Variants in SPTBN1 observed in about 807,000 individuals in gnomAD.
The protein encoded by SPTBN1 is spectrin beta, non-erythrocytic 1.
SPTBN1 carries 32 observed loss-of-function variants against 266.4 expected under a neutral mutation model. That is an observed-to-expected ratio of 0.12 (90% confidence interval 0.09 to 0.16). The LOEUF is 0.16. SPTBN1 is among the 10% of genes least tolerant of loss of function. The pLI, the probability that SPTBN1 is intolerant of heterozygous loss-of-function variation, is 1.00. For synonymous variants in SPTBN1, 1,336 were observed against 1,162.2 expected (o/e 1.15, Z -3.04); for missense variants, 2,296 against 3,067.1 (o/e 0.75, Z 5.94).
intron 2 of SPTBN1, among the ~76,000 whole-genome samples, chr2:54,559,507 C>A (rs1158516741): frequency 6.6e-6 from 1 of 152,162 alleles, no homozygotes; most frequent in Non-Finnish European, 1.5e-5. Flanking sequence ...GGATCAATTA[C>A]AGGTTTCTTG....
chr2:54,529,513 G>T, intron 2 of SPTBN1: 1 of 708,902 alleles, frequency 1.4e-6, no homozygotes, highest in Admixed American at 1.8e-5. Context: ...GACTCTGGAG[G>T]CCGCCCAGAT....
chr2:54,558,008 C>G lies in SPTBN1; in HGVS notation c.148+31442C>G. ...CTAGAGAGTGAATGAGCCGCGCGGG[C>G]CCGGGACCCTTGGGGCTCTTCACTC... On this transcript the variant is annotated intron_variant, in intron 2 of 35. Coordinates refer to ENST00000356805, the MANE Select transcript of SPTBN1 (RefSeq NM_003128.3). The surrounding 1 kb of genome is among the most constrained non-coding windows in gnomAD (Gnocchi z 4.6). 1 of 985,374 alleles carries G rather than the reference C, an allele frequency of 1.0e-6. No homozygotes were observed. The highest frequency in any genetic ancestry group is 1.7e-5 in the African/African-American group (1 of 57,350). The allele number at this position is 985,374 out of a possible 1,614,324, so 61.0% of individuals were successfully genotyped here.
chr2:54,613,379 C>G (rs1677362554), intron 4 of SPTBN1, among the ~76,000 whole-genome samples: 2 of 152,196 alleles, frequency 1.3e-5, no homozygotes, highest in Non-Finnish European at 2.9e-5. Context: ...TTATAACTTG[C>G]TTTGTTTTCT....
At chr2:54,508,947 G>A (rs1669716483) in intron 1 of SPTBN1, among the ~76,000 whole-genome samples, 1 of 152,188 alleles carries the variant, frequency 6.6e-6, no homozygotes. Context: ...TAACAGCATG[G>A]TGGTGCAGGA....
chr2:54,608,494 T>C (rs1206403212), intron 3 of SPTBN1, among the ~76,000 whole-genome samples: 17 of 151,904 alleles, frequency 1.1e-4, no homozygotes, highest in Non-Finnish European at 1.9e-4. Context: ...ACAGGCTGAG[T>C]GCGTTCTTCT....
Position 54,485,188 on chromosome 2 carries a change from C to G in SPTBN1, c.-48+28670C>G, listed in dbSNP as rs566875875. Among the ~76,000 whole-genome samples the G allele has an allele frequency of 3.3e-5, 5 of 152,014 alleles. No homozygotes were observed. In the East Asian group the frequency reaches 9.7e-4, roughly 29 times the overall value. ...CCTCTCCCTCCGTCTCCCTCTCCGT[C>G]TCCCTCTCGGTCTCCCTCTCCCTCT... On this transcript the variant is annotated intron_variant, in intron 1 of 35. Transcript: ENST00000356805.
intron 32 of SPTBN1, chr2:54,661,569 G>A: frequency 1.0e-6 from 1 of 985,710 alleles, no homozygotes; most frequent in Non-Finnish European, 1.2e-6. Context: ...ATGTTCTGGG[G>A]GTAGTATGCA....
chr2:54,630,714 A>G, intron 15 of SPTBN1, 141 bp from the exon 16 acceptor site: 1 of 1,013,230 alleles, frequency 9.9e-7, no homozygotes, highest in East Asian at 2.8e-5. Flanking sequence ...TTTGAGTGAG[A>G]TGATTTTCCA....
chr2:54,497,222 A>G (rs1669015453), intron 1 of SPTBN1, among the ~76,000 whole-genome samples: 1 of 152,262 alleles, frequency 6.6e-6, no homozygotes, highest in African/African-American at 2.4e-5. Context: ...GAAAATGAGC[A>G]TCATGAAAAA....
chr2:54,634,372 T>C (rs1051886405), intron 17 of SPTBN1, among the ~76,000 whole-genome samples: 1 of 152,246 alleles, frequency 6.6e-6, no homozygotes, highest in African/African-American at 2.4e-5. Context: ...ACCAAGAGCC[T>C]GGGCTACTGG....
At chr2:54,479,553 C>A (rs1178077611) in intron 1 of SPTBN1, among the ~76,000 whole-genome samples, 1 of 152,046 alleles carries the variant, frequency 6.6e-6, no homozygotes, top group Non-Finnish European at 1.5e-5. Flanking sequence ...ATAGTTGTAC[C>A]AGTACAGCAG....
rs755382940 is a variant in SPTBN1, at chr2:54,627,234, T to G, written c.1645-863T>G. On this transcript the variant is annotated intron_variant, in intron 12 of 35. Transcript: ENST00000356805. ...CAGTGTTCTTAGGTCTGGTCTCTCT[T>G]GACCTCTCAAAATAGAAATGTTCGT... Among the ~76,000 whole-genome samples the G allele has an allele frequency of 2.0e-5, 3 of 152,220 alleles. 1 individual carries two copies. Among genetic ancestry groups the G allele is most frequent in the Non-Finnish European group, 4.4e-5 (3 of 68,034 alleles).
At position 54,645,598 on chromosome 2, in the gene SPTBN1, G is replaced by A; in HGVS notation, c.4494+145G>A. Reference sequence around the variant, plus strand: ...AAGTCCACGCTCTGGATGGTCTAAAGTTTCTTTCCCTTTTCACCCTAAATG... The same window carrying A: ...AAGTCCACGCTCTGGATGGTCTAAAATTTCTTTCCCTTTTCACCCTAAATG... On this transcript the variant is annotated intron_variant, in intron 21 of 35. Transcript: ENST00000356805. This position sits in a 1 kb window ranked among gnomAD's most constrained non-coding sequence, Gnocchi z 4.3. 2 of 828,812 alleles carry A rather than the reference G, an allele frequency of 2.4e-6. No individual in the cohort carries two copies. The highest frequency in any genetic ancestry group is 3.7e-6 in the Non-Finnish European group (2 of 537,112). 51.3% of individuals were successfully genotyped at this position (828,812 alleles called of 1,614,324 possible).
chr2:54,593,331 C>T (rs1419723810), intron 2 of SPTBN1, among the ~76,000 whole-genome samples: 1 of 152,178 alleles, frequency 6.6e-6, no homozygotes, highest in Non-Finnish European at 1.5e-5. Context: ...AGGAGCCCTT[C>T]TTTCTGTCTC....
intron 3 of SPTBN1, among the ~76,000 whole-genome samples, chr2:54,600,029 A>G (rs530379176): frequency 1.3e-5 from 2 of 152,358 alleles, no homozygotes; most frequent in African/African-American, 4.8e-5. Flanking sequence ...GCCAACGCCC[A>G]GAATGGAGAC....
Position 54,653,982 on chromosome 2 carries a change from G to T in SPTBN1, c.5822+129G>T. Reference sequence around the variant, plus strand: ...GCTTCAAGGCCAGAGTGGGGGTGGGGCGGTGCTTGGAGTGCGGCACCACTG... The same window carrying T: ...GCTTCAAGGCCAGAGTGGGGGTGGGTCGGTGCTTGGAGTGCGGCACCACTG... On this transcript the variant is annotated intron_variant, in intron 27 of 35. Coordinates refer to ENST00000356805, the MANE Select transcript of SPTBN1 (RefSeq NM_003128.3). The surrounding 1 kb of genome is among the most constrained non-coding windows in gnomAD (Gnocchi z 5.1). 7.1e-7 allele frequency: 1 copy of T among 1,404,448 alleles called. No homozygotes were observed. Among genetic ancestry groups the T allele is most frequent in the South Asian group, 1.4e-5 (1 of 69,114 alleles). 87.0% of individuals were successfully genotyped at this position (1,404,448 alleles called of 1,614,324 possible).
rs997206680 is a variant in SPTBN1, at chr2:54,664,431, A to G, written c.6421-22A>G. ...CCCCATGGCTCACGGAGTTAGCTGA[A>G]TGGCCTCTCCGCTGTCCCTAGATGG... On this transcript the variant is annotated intron_variant, in intron 32 of 35. Transcript: ENST00000356805. The surrounding 1 kb of genome is among the most constrained non-coding windows in gnomAD (Gnocchi z 5.6). 3.7e-6 allele frequency: 6 copies of G among 1,601,334 alleles called. No homozygotes were observed. Among genetic ancestry groups the G allele is most frequent in the African/African-American group, 1.3e-5 (1 of 74,826 alleles).
chr2:54,642,174 G>C (rs565991834), intron 18 of SPTBN1, among the ~76,000 whole-genome samples: 24 of 152,342 alleles, frequency 1.6e-4, no homozygotes, highest in African/African-American at 5.8e-4. Flanking sequence ...AGCCAGGGCC[G>C]ATTCGGGATG....
In SPTBN1 at chr2:54,540,274, A is replaced by G. The variant is rs1419596938; in HGVS notation, c.148+13708A>G. 6.6e-6 allele frequency among the ~76,000 whole-genome samples: 1 copy of G among 152,002 alleles called. No homozygotes were observed. Among genetic ancestry groups the G allele is most frequent in the Non-Finnish European group, 1.5e-5 (1 of 68,032 alleles). On this transcript the variant is annotated intron_variant, in intron 2 of 35. Coordinates refer to ENST00000356805, the MANE Select transcript of SPTBN1 (RefSeq NM_003128.3). The surrounding 1 kb of genome is among the most constrained non-coding windows in gnomAD (Gnocchi z 5.6). ...CTGATTGATAGAATCCTGGAGTTTA[A>G]TCTTTCTCCTACCAGAATATTTGTC...
Sources: gnomAD v4.1 joint callset for allele counts (sites outside exome capture counted in the v4.1 genomes callset) on GRCh38, gnomAD v4.1.1 for gene constraint, Gnocchi (gnomAD v3.1) non-coding constraint, MANE v1.5 for transcripts, NCBI Gene and HGNC (gene_info 2026-07-23, HGNC 2026-07-21) for gene names.